The following ANGPTL5 variants were observed in gnomAD, a reference collection of about 807,000 sequenced individuals.
ANGPTL5 encodes the protein angiopoietin-related protein 5.
Under a neutral mutation model 39.4 loss-of-function variants are expected in ANGPTL5, and 34 were observed. The ratio of observed to expected loss-of-function variants is 0.86; its 90% CI spans 0.66 to 1.15. The LOEUF is 1.15. ANGPTL5 is among the 50% of genes most tolerant of loss of function. ANGPTL5 has a pLI of 0.00. For missense variants in ANGPTL5, 467 were observed against 457.5 expected, an observed-to-expected ratio of 1.02 and a Z score of -0.19; for synonymous variants, 146 against 152.1, an observed-to-expected ratio of 0.96 and a Z score of 0.29.
intron 1 of ANGPTL5, among the ~76,000 whole-genome samples, chr11:101,912,050 T>C (rs1297405749): frequency 6.6e-6 from 1 of 152,214 alleles, no homozygotes; most frequent in Non-Finnish European, 1.5e-5. Context: ...TATCCCACTT[T>C]CCATGTAGCA....
At chr11:101,900,743 A>C (rs1291342351) in intron 6 of ANGPTL5, among the ~76,000 whole-genome samples, 193 bp from the exon 7 acceptor site, 1 of 152,232 alleles carries the variant, frequency 6.6e-6, no homozygotes, top group African/African-American at 2.4e-5. Context: ...TTATAAAGCA[A>C]ACCTGTAATT....
chr11:101,893,960 A>C lies in ANGPTL5; in HGVS notation c.847+919T>G, dbSNP rs1027707017. ...GGTTCTCAACTACAAGTATGCCAAC[A>C]TATCCATCTGGCTTAAAATAACTGA... On this transcript the variant is annotated intron_variant, in intron 8 of 8. Transcript: ENST00000334289. Among the ~76,000 whole-genome samples the C allele has an allele frequency of 7.2e-5, 11 of 152,304 alleles. 1 individual carries two copies. The highest frequency in any genetic ancestry group is 2.6e-4 in the African/African-American group (11 of 41,572).
chr11:101,893,572 A>C (rs1343309991), intron 8 of ANGPTL5, among the ~76,000 whole-genome samples: 1 of 152,220 alleles, frequency 6.6e-6, no homozygotes, highest in Non-Finnish European at 1.5e-5. Flanking sequence ...TGTAACGAAA[A>C]AACTTTTGCC....
At chr11:101,895,910 T>C (rs922851576) in intron 7 of ANGPTL5, among the ~76,000 whole-genome samples, 1 of 152,162 alleles carries the variant, frequency 6.6e-6, no homozygotes, top group Non-Finnish European at 1.5e-5. Flanking sequence ...CATGACAGCA[T>C]TCAAACTCTT....
At chr11:101,901,637 C>T (rs1939901831) in intron 6 of ANGPTL5, among the ~76,000 whole-genome samples, 1 of 152,134 alleles carries the variant, frequency 6.6e-6, no homozygotes. Context: ...GATTATGCAT[C>T]CCACTCTTCA....
At chr11:101,912,636 T>G (rs1041383161) in intron 1 of ANGPTL5, among the ~76,000 whole-genome samples, 1 of 152,218 alleles carries the variant, frequency 6.6e-6, no homozygotes, top group Non-Finnish European at 1.5e-5. Context: ...TCTTCTTGGT[T>G]GTTACCGTAA....
Position 101,902,696 on chromosome 11 carries a change from A to C in ANGPTL5, c.465T>G (p.Asp155Glu), listed in dbSNP as rs1309243734. The C allele has an allele frequency of 6.2e-7, 1 of 1,610,910 alleles. No individual in the cohort carries two copies. The highest frequency in any genetic ancestry group is 1.3e-5 in the African/African-American group (1 of 74,988). The change falls in exon 6 of 9, where the codon GAT (aspartate) becomes GAG (glutamate). Residue 155 changes from aspartate (D) to glutamate (E), a missense_variant. Transcript: ENST00000334289. ...SHGLDCTDIK[D>E]TIGSVTKTPS... ...GTGTTTTGGTGACAGAGCCAATGGT[A>C]TCCTTAATATCAGTGCAATCTAAAC... is the stretch of plus-strand genomic sequence containing the variant.
In ANGPTL5 at chr11:101,902,667, C is replaced by T. The variant is rs751746656; in HGVS notation, c.494G>A (p.Ser165Asn). The T allele has an allele frequency of 1.9e-6, 3 of 1,611,896 alleles. No homozygotes were observed. Among genetic ancestry groups the T allele is most frequent in the Non-Finnish European group, 2.5e-6 (3 of 1,178,618 alleles). ...TTCTGGGTGAATTATGTATAAACCA[C>T]TCGGTGTTTTGGTGACAGAGCCAAT... ...DTIGSVTKTPSGLYIIHPEGS... is the reference protein window; with the variant it reads ...DTIGSVTKTPNGLYIIHPEGS... The change falls in exon 6 of 9, where the codon AGT becomes AAT. Residue 165 changes from serine (S) to asparagine (N), a missense_variant. By Grantham distance (46) the Ser-to-Asn change is conservative (BLOSUM62 1). Transcript: ENST00000334289.
chr11:101,902,761 G>T (rs1331201142), intron 5 of ANGPTL5, 40 bp from the exon 6 acceptor site: 1 of 1,289,950 alleles, frequency 7.8e-7, no homozygotes, highest in Non-Finnish European at 1.1e-6. Flanking sequence ...ATTTTCAAAT[G>T]TACATTTAAG....
intron 1 of ANGPTL5, among the ~76,000 whole-genome samples, chr11:101,910,148 C>T (rs1328292968): frequency 2.0e-5 from 3 of 152,036 alleles, no homozygotes; most frequent in Admixed American, 6.6e-5. Context: ...CGGTGGCTCA[C>T]GCCTGTAATC....
intron 7 of ANGPTL5, among the ~76,000 whole-genome samples, chr11:101,897,247 G>A (rs550121141): frequency 1.1e-4 from 16 of 152,162 alleles, no homozygotes; most frequent in Non-Finnish European, 2.1e-4. Flanking sequence ...TGTAGATTCT[G>A]GATATTAGCC....
chr11:101,894,832 A>G (rs373036063), intron 8 of ANGPTL5, 47 bp downstream of exon 8: 3 of 1,473,464 alleles, frequency 2.0e-6, no homozygotes, highest in Non-Finnish European at 1.9e-6. Context: ...ATAATGAGTC[A>G]GTTATAATTT....
intron 1 of ANGPTL5, chr11:101,915,267 G>A (rs928723371): frequency 1.9e-6 from 3 of 1,612,800 alleles, no homozygotes; most frequent in Non-Finnish European, 2.5e-6. Context: ...GAGCAGACAG[G>A]CGGCGCTGAA....
At chr11:101,901,897 T>C (rs1401684026) in intron 6 of ANGPTL5, among the ~76,000 whole-genome samples, 1 of 151,902 alleles carries the variant, frequency 6.6e-6, no homozygotes, top group Non-Finnish European at 1.5e-5. Context: ...AACTTTCTTC[T>C]GCACAAAGAA....
intron 2 of ANGPTL5, 63 bp downstream of exon 2, chr11:101,907,751 T>C (rs1011200504): frequency 6.5e-6 from 7 of 1,073,988 alleles, no homozygotes; most frequent in Non-Finnish European, 9.8e-6. Context: ...TTCAAAATTC[T>C]AATATATATC....
intron 7 of ANGPTL5, among the ~76,000 whole-genome samples, chr11:101,896,550 C>T (rs556560956): frequency 6.6e-6 from 1 of 152,230 alleles, no homozygotes; most frequent in Non-Finnish European, 1.5e-5. Flanking sequence ...TGTTCCCCTC[C>T]TTGTGTCCAT....
At chr11:101,912,965 C>A (rs1022453967) in intron 1 of ANGPTL5, among the ~76,000 whole-genome samples, 1 of 152,202 alleles carries the variant, frequency 6.6e-6, no homozygotes, top group African/African-American at 2.4e-5. Flanking sequence ...TGCACTCCTA[C>A]ACTTAAAGAA....
intron 1 of ANGPTL5, among the ~76,000 whole-genome samples, chr11:101,914,284 T>G (rs1023049189): frequency 2.0e-5 from 3 of 152,180 alleles, no homozygotes; most frequent in African/African-American, 7.2e-5. Context: ...GCTCCAACAA[T>G]AAGATTCAGC....
intron 7 of ANGPTL5, among the ~76,000 whole-genome samples, chr11:101,897,898 A>T (rs1354124005): frequency 6.6e-6 from 1 of 152,160 alleles, no homozygotes; most frequent in Non-Finnish European, 1.5e-5. Context: ...GAAGAAAGTC[A>T]ATGGTAGCTT....
Sources: allele counts gnomAD v4.1 joint callset (sites outside exome capture counted in the v4.1 genomes callset), GRCh38; gene constraint gnomAD v4.1.1; transcripts MANE v1.5; gene names NCBI Gene and HGNC (gene_info 2026-07-23, HGNC 2026-07-21).